AKAP7: variants seen among roughly 807,000 people sequenced by gnomAD.
AKAP7 encodes A-kinase anchoring protein 7.
A neutral mutation model predicts 39.5 loss-of-function variants in AKAP7; 39 were observed. The observed-to-expected ratio is 0.99, with a 90% CI of 0.76 to 1.29. AKAP7 has a LOEUF of 1.29. Ranked by LOEUF, AKAP7 falls within the 50% of genes most tolerant of loss-of-function variation. AKAP7 has a pLI of 0.00. For synonymous variants in AKAP7, 140 were observed against 139.1 expected (o/e 1.01, Z -0.05); for missense variants, 414 against 407.7 (o/e 1.02, Z -0.13).
intron 7 of AKAP7, among the ~76,000 whole-genome samples, chr6:131,235,871 C>G (rs1482646371): frequency 6.6e-6 from 1 of 152,196 alleles, no homozygotes; most frequent in African/African-American, 2.4e-5. Flanking sequence ...CCTGTTCACA[C>G]TGATGGTAGT....
At chr6:131,140,534 C>G (rs1168259585) in intron 1 of AKAP7, among the ~76,000 whole-genome samples, 1 of 152,150 alleles carries the variant, frequency 6.6e-6, no homozygotes, top group Non-Finnish European at 1.5e-5. Context: ...AGTTTCCTCT[C>G]CCTCACTTAT....
intron 7 of AKAP7, among the ~76,000 whole-genome samples, chr6:131,220,803 G>T (rs1036824734): frequency 3.3e-5 from 5 of 151,960 alleles, no homozygotes; most frequent in Non-Finnish European, 5.9e-5. Context: ...ATCTGTTATG[G>T]TGATCAGTGA....
At chr6:131,227,412 T>C (rs1247552886) in intron 7 of AKAP7, among the ~76,000 whole-genome samples, 4 of 152,134 alleles carry the variant, frequency 2.6e-5, no homozygotes, top group African/African-American at 9.7e-5. Context: ...TGGACATAGT[T>C]ACATACACTG....
chr6:131,250,314 C>A, intron 7 of AKAP7: 1 of 1,294,134 alleles, frequency 7.7e-7, no homozygotes, highest in Non-Finnish European at 9.9e-7. Flanking sequence ...ATAGCCACTT[C>A]CTTCACTGAA....
chr6:131,146,884 A>G (rs1314314679), intron 2 of AKAP7, among the ~76,000 whole-genome samples: 1 of 152,216 alleles, frequency 6.6e-6, no homozygotes, highest in East Asian at 1.9e-4. Flanking sequence ...GACATTGGGA[A>G]TATTAAAACA....
intron 7 of AKAP7, among the ~76,000 whole-genome samples, chr6:131,278,793 T>C (rs1198643634): frequency 6.6e-6 from 1 of 152,168 alleles, no homozygotes; most frequent in Non-Finnish European, 1.5e-5. Flanking sequence ...TCCTCCAGCA[T>C]TGGGGATTAC....
At chr6:131,272,920 T>C (rs899809354) in intron 7 of AKAP7, among the ~76,000 whole-genome samples, 17 of 152,184 alleles carry the variant, frequency 1.1e-4, no homozygotes, top group Admixed American at 9.2e-4. Context: ...TTTTATCAGC[T>C]CTTGAGAATG....
chr6:131,168,253 T>TA lies in AKAP7; in HGVS notation c.429-851dup, dbSNP rs568913891. ...ATAGGGGGACCTCTCTATAAATAAT[T>TA]AAAAAAAAATAGCCAGGCATGGTGG... On this transcript the variant is annotated intron_variant, in intron 4 of 7. Transcript: ENST00000431975. 1.0e-3 allele frequency among the ~76,000 whole-genome samples: 157 copies of TA among 150,460 alleles called. 2 individuals carry two copies. In the South Asian group the frequency reaches 0.031, roughly 30 times the overall value.
chr6:131,241,577 A>ATATATGTGTGTG (rs1349874555), intron 7 of AKAP7, among the ~76,000 whole-genome samples: 29 of 81,272 alleles, frequency 3.6e-4, no homozygotes, highest in African/African-American at 5.9e-4. Context: ...GATTATATAT[A>ATATATGTGTGTG]TGTGTGTGTG....
Position 131,282,166 on chromosome 6 carries a change from G to C in AKAP7, c.*440G>C. 1.6e-6 allele frequency: 2 copies of C among 1,229,702 alleles called. No homozygotes were observed. Among genetic ancestry groups the C allele is most frequent in the Non-Finnish European group, 2.0e-6 (2 of 986,322 alleles). 76.2% of individuals were successfully genotyped at this position (1,229,702 alleles called of 1,614,324 possible). A position where few individuals can be genotyped will look rare whatever the true frequency, so the allele number is the denominator to read the frequency against. The stretch of plus-strand genomic sequence containing the variant: ...GTTTAAAATAATCACTGTTGGAATT[G>C]TCATCTGTACAATTAGTCCATAATG... On this transcript the variant is annotated 3_prime_UTR_variant, in exon 8 of 8. Coordinates refer to ENST00000431975, the MANE Select transcript of AKAP7 (RefSeq NM_016377.4).
intron 1 of AKAP7, among the ~76,000 whole-genome samples, chr6:131,141,899 CTTTT>C (rs773131426): frequency 9.5e-5 from 11 of 116,178 alleles, no homozygotes; most frequent in African/African-American, 1.2e-4. Context: ...TTCTTTCTTT[CTTTT>C]TTTTTTTTTT....
chr6:131,260,424 G>A (rs189722185), intron 7 of AKAP7, among the ~76,000 whole-genome samples: 1 of 152,282 alleles, frequency 6.6e-6, no homozygotes, highest in Non-Finnish European at 1.5e-5. Flanking sequence ...CCCACCAACA[G>A]TGTAAAAGTG....
intron 2 of AKAP7, among the ~76,000 whole-genome samples, chr6:131,159,771 A>T (rs1316551980): frequency 6.6e-6 from 1 of 152,218 alleles, no homozygotes; most frequent in Non-Finnish European, 1.5e-5. Flanking sequence ...CCTCAGGCCA[A>T]ATCTGGTTAA....
intron 4 of AKAP7, among the ~76,000 whole-genome samples, chr6:131,167,608 C>G (rs1447259453): frequency 6.6e-6 from 1 of 151,994 alleles, no homozygotes; most frequent in East Asian, 1.9e-4. Flanking sequence ...TGAATTTAAA[C>G]TGGATTTGGA....
chr6:131,184,763 G>T, intron 5 of AKAP7: 1 of 1,135,002 alleles, frequency 8.8e-7, no homozygotes, highest in Non-Finnish European at 1.3e-6. Flanking sequence ...GGAGTGGGTG[G>T]TTGGGAGTCT....
intron 6 of AKAP7, among the ~76,000 whole-genome samples, chr6:131,216,481 T>C (rs1156557632): frequency 6.6e-6 from 1 of 152,182 alleles, no homozygotes; most frequent in Admixed American, 6.5e-5. Flanking sequence ...AGTGGACTGT[T>C]TGAGTGCCAA....
At chr6:131,250,679 A>G (rs1812376660) in intron 7 of AKAP7, 1 of 1,558,114 alleles carries the variant, frequency 6.4e-7, no homozygotes, top group Non-Finnish European at 8.8e-7. Context: ...GTTGTCTTCT[A>G]GGGGTAGTTT....
At chr6:131,154,106 G>T (rs764943808) in intron 2 of AKAP7, among the ~76,000 whole-genome samples, 2 of 152,130 alleles carry the variant, frequency 1.3e-5, no homozygotes, top group African/African-American at 4.8e-5. Context: ...TACTCGGGAG[G>T]CTGAGGCAGG....
chr6:131,177,633 T>TG (rs1804713164), intron 5 of AKAP7, among the ~76,000 whole-genome samples: 1 of 152,090 alleles, frequency 6.6e-6, no homozygotes, highest in South Asian at 2.1e-4. Flanking sequence ...TGAGTTTTGG[T>TG]GGGGAAAAAC....
Sources: gnomAD v4.1 joint callset for allele counts (sites outside exome capture counted in the v4.1 genomes callset) on GRCh38, gnomAD v4.1.1 for gene constraint, MANE v1.5 for transcripts, NCBI Gene and HGNC (gene_info 2026-07-23, HGNC 2026-07-21) for gene names.